SEZ6L: variants seen among roughly 807,000 people sequenced by gnomAD.
SEZ6L encodes the protein seizure 6-like protein.
A neutral mutation model predicts 106.2 loss-of-function variants in SEZ6L; 37 were observed. The observed-to-expected ratio is 0.35, with a 90% confidence interval of 0.27 to 0.46. SEZ6L has a LOEUF of 0.46. Among genes scored for constraint, SEZ6L ranks in the 20% least tolerant of loss-of-function variants. The probability of loss-of-function intolerance (pLI) is 1.00; values close to 1 mark genes in which losing one functional copy is unlikely to be tolerated. For synonymous variants in SEZ6L, 541 were observed against 570.4 expected, an observed-to-expected ratio of 0.95 and a Z score of 0.73; for missense variants, 1,172 against 1,332.8, an observed-to-expected ratio of 0.88 and a Z score of 1.88.
intron 1 of SEZ6L, among the ~76,000 whole-genome samples, chr22:26,290,260 G>A (rs1399819514): frequency 5.9e-5 from 9 of 152,200 alleles, no homozygotes; most frequent in Admixed American, 5.2e-4. Context: ...GGCCGGGCGC[G>A]GTGGCTCACG....
intron 9 of SEZ6L, among the ~76,000 whole-genome samples, 189 bp downstream of exon 9, chr22:26,314,091 C>CAGAGAGAGAGAG (rs201131115): frequency 4.2e-5 from 6 of 142,452 alleles, no homozygotes; most frequent in African/African-American, 1.7e-4. Context: ...CACACACACA[C>CAGAGAGAGAGAG]ACACAGAGAG....
At chr22:26,332,365 G>T (rs891010226) in intron 9 of SEZ6L, among the ~76,000 whole-genome samples, 3 of 151,876 alleles carry the variant, frequency 2.0e-5, no homozygotes, top group Non-Finnish European at 4.4e-5. Context: ...GGCCAAGCTG[G>T]TCTTGAACTC....
intron 1 of SEZ6L, among the ~76,000 whole-genome samples, chr22:26,244,946 C>T (rs2079280239): frequency 2.0e-5 from 3 of 152,116 alleles, no homozygotes; most frequent in Middle Eastern, 3.2e-3. Flanking sequence ...CAATGGGGAG[C>T]CACGGAGGGT....
intron 1 of SEZ6L, among the ~76,000 whole-genome samples, chr22:26,188,347 G>A (rs1939941050): frequency 6.6e-6 from 1 of 152,166 alleles, no homozygotes; most frequent in African/African-American, 2.4e-5. Flanking sequence ...AGATTCTTCT[G>A]CTCAGCATGG....
rs1181293548 is a variant in SEZ6L at position 26,350,655 on chromosome 22, C to CTTTTT, written c.2408-382_2408-378dup. On this transcript the variant is annotated intron_variant, in intron 11 of 16. Coordinates refer to ENST00000248933, the MANE Select transcript of SEZ6L (RefSeq NM_021115.5). ...AAAGGAAAAGAACTGAGTTAGGAAA[C>CTTTTT]TTTTTTTTTTTTTTTTTTTGAGATG... 3.5e-4 allele frequency among the ~76,000 whole-genome samples: 46 copies of CTTTTT among 130,412 alleles called. 1 individual carries two copies. Among genetic ancestry groups the CTTTTT allele is most frequent in the South Asian group, 3.0e-3 (12 of 4,012 alleles). The allele number at this position is 130,412 out of a possible 152,430, so 85.6% of individuals were successfully genotyped here. A position where few individuals can be genotyped will look rare whatever the true frequency, so the allele number is the denominator to read the frequency against.
intron 9 of SEZ6L, among the ~76,000 whole-genome samples, chr22:26,332,716 G>A (rs1317677930): frequency 6.6e-6 from 1 of 152,192 alleles, no homozygotes; most frequent in African/African-American, 2.4e-5. Context: ...CCAAAATGCT[G>A]GGATTACAAG....
chr22:26,356,327 G>GT (rs2083434389), intron 12 of SEZ6L, among the ~76,000 whole-genome samples: 1 of 152,038 alleles, frequency 6.6e-6, no homozygotes, highest in Non-Finnish European at 1.5e-5. Context: ...AAAGAAAAAC[G>GT]GTTTTTTTTA....
chr22:26,349,243 C>A (rs1170558373), intron 11 of SEZ6L, among the ~76,000 whole-genome samples: 1 of 152,156 alleles, frequency 6.6e-6, no homozygotes, highest in Non-Finnish European at 1.5e-5. Flanking sequence ...GTCAGAAAAA[C>A]CCCTTGGCAC....
chr22:26,301,841 AT>A (rs1429871822), intron 5 of SEZ6L, among the ~76,000 whole-genome samples: 2 of 152,208 alleles, frequency 1.3e-5, no homozygotes, highest in African/African-American at 4.8e-5. Flanking sequence ...AATAAGATCA[AT>A]CTGACTAAAC....
intron 1 of SEZ6L, among the ~76,000 whole-genome samples, chr22:26,258,050 G>A (rs527923442): frequency 2.0e-5 from 3 of 152,176 alleles, no homozygotes; most frequent in East Asian, 3.9e-4. Context: ...GAGGACTTCC[G>A]GAATGAGTCT....
At chr22:26,329,468 T>TA (rs377276721) in intron 9 of SEZ6L, among the ~76,000 whole-genome samples, 11 of 151,208 alleles carry the variant, frequency 7.3e-5, no homozygotes, top group East Asian at 1.9e-4. Context: ...ACACCATCTT[T>TA]AAAAAAAAAG....
At chr22:26,373,590 A>G in intron 14 of SEZ6L, 107 bp downstream of exon 14, 1 of 866,618 alleles carries the variant, frequency 1.2e-6, no homozygotes, top group Non-Finnish European at 1.8e-6. Context: ...AAATAAATAA[A>G]TTCTACCTTC....
chr22:26,219,523 T>C (rs2078400045), intron 1 of SEZ6L, among the ~76,000 whole-genome samples: 1 of 152,170 alleles, frequency 6.6e-6, no homozygotes, highest in Non-Finnish European at 1.5e-5. Context: ...ACCTATTTGA[T>C]GTGAATCCAT....
At chr22:26,268,914 C>T (rs1257785815) in intron 1 of SEZ6L, among the ~76,000 whole-genome samples, 1 of 152,152 alleles carries the variant, frequency 6.6e-6, no homozygotes, top group Non-Finnish European at 1.5e-5. Flanking sequence ...GTTTATTTAC[C>T]CAACGTGAGG....
chr22:26,331,964 A>G (rs985387513), intron 9 of SEZ6L, among the ~76,000 whole-genome samples: 2 of 151,970 alleles, frequency 1.3e-5, no homozygotes, highest in Non-Finnish European at 2.9e-5. Flanking sequence ...CAGCCCGGGC[A>G]ACAGAGCAAG....
At chr22:26,297,796 T>C (rs2081343630) in intron 4 of SEZ6L, among the ~76,000 whole-genome samples, 1 of 151,462 alleles carries the variant, frequency 6.6e-6, no homozygotes, top group Non-Finnish European at 1.5e-5. Flanking sequence ...CCTCCTCTCT[T>C]TCTCTTCCTT....
At chr22:26,209,171 C>T (rs1291931653) in intron 1 of SEZ6L, among the ~76,000 whole-genome samples, 1 of 151,966 alleles carries the variant, frequency 6.6e-6, no homozygotes, top group Non-Finnish European at 1.5e-5. Flanking sequence ...GTTTATTAGG[C>T]TTAGTTATAG....
At chr22:26,186,136 C>T (rs1939764830) in intron 1 of SEZ6L, among the ~76,000 whole-genome samples, 2 of 152,018 alleles carry the variant, frequency 1.3e-5, no homozygotes, top group African/African-American at 4.8e-5. Flanking sequence ...GCCCTCCTTT[C>T]CGCTCCTACA....
At chr22:26,202,158 C>T (rs1026611296) in intron 1 of SEZ6L, among the ~76,000 whole-genome samples, 10 of 152,148 alleles carry the variant, frequency 6.6e-5, no homozygotes, top group Non-Finnish European at 5.9e-5. Flanking sequence ...TCGTGATCCA[C>T]CTGCCTCGGC....
Sources: allele counts gnomAD v4.1 joint callset (sites outside exome capture counted in the v4.1 genomes callset), GRCh38; gene constraint gnomAD v4.1.1; transcripts MANE v1.5; gene names NCBI Gene and HGNC (gene_info 2026-07-23, HGNC 2026-07-21).